PGM2L1: variants seen among roughly 807,000 people sequenced by gnomAD.
PGM2L1 encodes phosphoglucomutase 2 like 1.
Under a neutral mutation model 73.4 loss-of-function variants are expected in PGM2L1, and 35 were observed. The ratio of observed to expected loss-of-function variants is 0.48; its 90% CI spans 0.36 to 0.63. The LOEUF (loss-of-function observed/expected upper bound fraction) is 0.63. PGM2L1 is among the 30% of genes least tolerant of loss of function. The pLI, the probability that PGM2L1 is intolerant of heterozygous loss-of-function variation, is 0.00. For missense variants in PGM2L1, 570 were observed against 742.0 expected (o/e 0.77, Z 2.69); for synonymous variants, 225 against 253.8 (o/e 0.89, Z 1.08).
intron 1 of PGM2L1, among the ~76,000 whole-genome samples, chr11:74,379,734 GACA>G (rs1862910049): frequency 1.3e-5 from 2 of 151,938 alleles, no homozygotes; most frequent in Non-Finnish European, 2.9e-5. Context: ...GACCAGCCTG[GACA>G]ACATGGTAAA....
At chr11:74,377,889 C>T (rs1591187100) in intron 1 of PGM2L1, among the ~76,000 whole-genome samples, 1 of 151,822 alleles carries the variant, frequency 6.6e-6, no homozygotes, top group Non-Finnish European at 1.5e-5. Context: ...TGTTTGCTTT[C>T]TGAATGTGCT....
Position 74,361,483 on chromosome 11 carries a change from C to T in PGM2L1, c.555+7009G>A, listed in dbSNP as rs762836931. 3.0e-4 allele frequency among the ~76,000 whole-genome samples: 46 copies of T among 152,174 alleles called. 1 individual carries two copies. The highest frequency in any genetic ancestry group is 2.3e-3 in the Admixed American group (35 of 15,280). ...CAGAAAAGCTGAAAATTCTAAAAAT[C>T]AGAACACCTCTCCCCCTGCAAAGGA... On this transcript the variant is annotated intron_variant, in intron 5 of 13. Transcript: ENST00000298198.
chr11:74,360,410 G>C (rs1378678269), intron 5 of PGM2L1, among the ~76,000 whole-genome samples: 1 of 151,908 alleles, frequency 6.6e-6, no homozygotes, highest in Admixed American at 6.6e-5. Context: ...AATTCCTTGA[G>C]TTCAGGATAG....
intron 8 of PGM2L1, 65 bp from the exon 9 acceptor site, chr11:74,345,714 G>T: frequency 7.1e-7 from 1 of 1,404,136 alleles, no homozygotes; most frequent in Non-Finnish European, 9.8e-7. Context: ...TGACTCCAAG[G>T]CCTAAAAATT....
chr11:74,341,567 C>G (rs114650095), intron 12 of PGM2L1, among the ~76,000 whole-genome samples: 2,490 of 152,068 alleles, frequency 0.016, 72 homozygotes, highest in African/African-American at 0.057. Flanking sequence ...TGACATGCTT[C>G]TGTAGCCCCA....
chr11:74,361,965 A>G (rs1862571520), intron 5 of PGM2L1, among the ~76,000 whole-genome samples: 1 of 152,226 alleles, frequency 6.6e-6, no homozygotes, highest in African/African-American at 2.4e-5. Flanking sequence ...CCAAATTGGA[A>G]AACACTCTGC....
rs564709160 is a variant in PGM2L1 at position 74,397,991 on chromosome 11, A to G, written c.111+60T>C. ...AGCCCGCGGGGCGCTGGGTGGGCAC[A>G]GGAAAGAGCAGACTGTGTGGGGGAG... is the stretch of plus-strand genomic sequence containing the variant. On this transcript the variant is annotated intron_variant, in intron 1 of 13. Transcript: ENST00000298198. The G allele has an allele frequency of 5.4e-4, 800 of 1,483,024 alleles. 2 individuals are homozygous for G. Among genetic ancestry groups the G allele is most frequent in the Non-Finnish European group, 6.9e-4 (765 of 1,112,168 alleles). The allele number at this position is 1,483,024 out of a possible 1,614,324, so 91.9% of individuals were successfully genotyped here. A position where few individuals can be genotyped will look rare whatever the true frequency, so the allele number is the denominator to read the frequency against.
intron 1 of PGM2L1, among the ~76,000 whole-genome samples, chr11:74,393,773 G>A (rs370891148): frequency 2.6e-5 from 4 of 152,236 alleles, no homozygotes; most frequent in South Asian, 4.1e-4. Flanking sequence ...ATAGCAGGCT[G>A]AGCAGCTCTA....
At chr11:74,370,873 C>A in intron 4 of PGM2L1, 29 bp downstream of exon 4, 1 of 1,538,488 alleles carries the variant, frequency 6.5e-7, no homozygotes, top group South Asian at 1.1e-5. Context: ...GAGCAGCAAG[C>A]TATATGATCA....
intron 8 of PGM2L1, 130 bp from the exon 9 acceptor site, chr11:74,345,779 C>T (rs546368933): frequency 2.6e-6 from 2 of 768,334 alleles, no homozygotes; most frequent in South Asian, 3.4e-5. Flanking sequence ...TTTGAGAAAA[C>T]ATTTATTACT....
At chr11:74,339,903 C>A (rs1862158400) in intron 12 of PGM2L1, among the ~76,000 whole-genome samples, 1 of 152,218 alleles carries the variant, frequency 6.6e-6, no homozygotes, top group Admixed American at 6.5e-5. Context: ...CAGTTCAGAA[C>A]AGTTCTCTAG....
chr11:74,390,025 A>G (rs1442816311), intron 1 of PGM2L1, among the ~76,000 whole-genome samples: 3 of 145,678 alleles, frequency 2.1e-5, no homozygotes, highest in Non-Finnish European at 4.5e-5. Flanking sequence ...AGGCTGAGGC[A>G]GGAGAATGGC....
At chr11:74,343,715 T>C (rs1219513576) in intron 9 of PGM2L1, among the ~76,000 whole-genome samples, 2 of 151,486 alleles carry the variant, frequency 1.3e-5, no homozygotes, top group African/African-American at 4.9e-5. Context: ...GCACATACAG[T>C]ATAATCAGTA....
chr11:74,342,528 G>C lies in PGM2L1; in HGVS notation c.1565C>G (p.Thr522Arg). 1 of 1,609,640 alleles carries C rather than the reference G, an allele frequency of 6.2e-7. No homozygotes were observed. Among genetic ancestry groups the C allele is most frequent in the Non-Finnish European group, 8.5e-7 (1 of 1,177,714 alleles). Residue 522 changes from threonine (T) to arginine (R), a missense_variant, in exon 12 of 14, where the codon ACA (threonine) becomes AGA (arginine). By Grantham distance (71) the Thr-to-Arg change is moderately conservative. Coordinates refer to ENST00000298198, the MANE Select transcript of PGM2L1 (RefSeq NM_173582.6). Reference protein sequence around the residue: ...SPKEYPKFCGTFAILHVRDVT... With the variant: ...SPKEYPKFCGRFAILHVRDVT... ...GTCCCGTACATGCAATATAGCAAAT[G>C]TTCCACAAAATTTTGGATATTCTTT... is the stretch of plus-strand genomic sequence containing the variant.
intron 1 of PGM2L1, among the ~76,000 whole-genome samples, chr11:74,383,868 C>T (rs568883863): frequency 8.7e-6 from 1 of 115,560 alleles, no homozygotes; most frequent in African/African-American, 3.6e-5. Context: ...CAGTCTATCA[C>T]CGATGGGTAT....
intron 8 of PGM2L1, 116 bp from the exon 9 acceptor site, chr11:74,345,765 G>A: frequency 1.1e-6 from 1 of 872,876 alleles, no homozygotes; most frequent in Non-Finnish European, 1.8e-6. Context: ...TATCATATGG[G>A]ATTTTTGAGA....
chr11:74,359,217 G>A (rs1427672959), intron 5 of PGM2L1, among the ~76,000 whole-genome samples: 1 of 151,478 alleles, frequency 6.6e-6, no homozygotes, highest in Non-Finnish European at 1.5e-5. Flanking sequence ...CATTTCCTTT[G>A]CTTCTGATCA....
At chr11:74,368,246 G>A (rs1256844263) in intron 5 of PGM2L1, among the ~76,000 whole-genome samples, 1 of 152,110 alleles carries the variant, frequency 6.6e-6, no homozygotes, top group Non-Finnish European at 1.5e-5. Context: ...ATTTAGGAAG[G>A]GATAGAGAAA....
chr11:74,332,233 A>G lies in PGM2L1; in HGVS notation c.*4419T>C, dbSNP rs1862026461. 2.0e-5 allele frequency: 3 copies of G among 152,204 alleles called. No homozygotes were observed. The highest frequency in any genetic ancestry group is 6.5e-5 in the Admixed American group (1 of 15,290). The allele number at this position is 152,204 out of a possible 1,614,324, so 9.4% of individuals were successfully genotyped here. A position where few individuals can be genotyped will look rare whatever the true frequency, so the allele number is the denominator to read the frequency against. ...AAACCTGAAATAGAATGTTATGTCAATTGCCCATTCATTTTGGTTAGTACG... is the reference window on the plus strand; with the variant it reads ...AAACCTGAAATAGAATGTTATGTCAGTTGCCCATTCATTTTGGTTAGTACG... On this transcript the variant is annotated 3_prime_UTR_variant, in exon 14 of 14. Transcript: ENST00000298198.
Sources: gnomAD v4.1 joint callset for allele counts (sites outside exome capture counted in the v4.1 genomes callset) on GRCh38, gnomAD v4.1.1 for gene constraint, MANE v1.5 for transcripts, NCBI Gene and HGNC (gene_info 2026-07-23, HGNC 2026-07-21) for gene names.